CEMIP2: variants seen among roughly 807,000 people sequenced by gnomAD.
CEMIP2 encodes cell surface hyaluronidase CEMIP2.
CEMIP2 carries 79 observed loss-of-function variants against 146.9 expected under a neutral mutation model. The observed-to-expected ratio is 0.54, with a 90% CI of 0.45 to 0.65. The LOEUF is 0.65. Ranked by LOEUF, CEMIP2 falls within the 30% of genes least tolerant of loss-of-function variation. The pLI, the probability that CEMIP2 is intolerant of heterozygous loss-of-function variation, is 0.00. For missense variants in CEMIP2, 1,596 were observed against 1,696.2 expected, an observed-to-expected ratio of 0.94 and a Z score of 1.04; for synonymous variants, 601 against 606.3, an observed-to-expected ratio of 0.99 and a Z score of 0.13.
intron 22 of CEMIP2, chr9:71,686,075 A>G: frequency 2.1e-6 from 1 of 466,142 alleles, no homozygotes; most frequent in Non-Finnish European, 3.9e-6. Flanking sequence ...AAACCAAATC[A>G]TTTACGTACG....
chr9:71,759,223 T>A (rs1824553085), intron 1 of CEMIP2, among the ~76,000 whole-genome samples: 1 of 152,194 alleles, frequency 6.6e-6, no homozygotes, highest in Non-Finnish European at 1.5e-5. Flanking sequence ...TATTCCCAAG[T>A]TAAGCTATTG....
intron 12 of CEMIP2, among the ~76,000 whole-genome samples, chr9:71,720,881 A>T (rs1336970351): frequency 2.0e-5 from 3 of 152,200 alleles, no homozygotes; most frequent in Non-Finnish European, 4.4e-5. Flanking sequence ...AACTAGTAAG[A>T]GAAATAAATA....
chr9:71,686,799 C>CA (rs1356716748), intron 22 of CEMIP2: 1 of 152,200 alleles, frequency 6.6e-6, no homozygotes, highest in Non-Finnish European at 1.5e-5. Flanking sequence ...AATTTCCTGT[C>CA]ATCCACCCCT....
chr9:71,701,515 G>A (rs1822561795), intron 18 of CEMIP2, among the ~76,000 whole-genome samples: 1 of 152,206 alleles, frequency 6.6e-6, no homozygotes, highest in Non-Finnish European at 1.5e-5. Context: ...TTGGGTATAG[G>A]TGTACAAGAT....
intron 17 of CEMIP2, among the ~76,000 whole-genome samples, chr9:71,708,706 C>G (rs1428259051): frequency 6.6e-6 from 1 of 152,168 alleles, no homozygotes; most frequent in Non-Finnish European, 1.5e-5. Flanking sequence ...ATCATCTCCT[C>G]CATATTTTCA....
intron 20 of CEMIP2, among the ~76,000 whole-genome samples, chr9:71,697,409 A>G (rs1384404698): frequency 6.6e-6 from 1 of 152,228 alleles, no homozygotes; most frequent in Admixed American, 6.5e-5. Context: ...CCATCTAATC[A>G]AGAATGTTAG....
At chr9:71,756,369 TGAG>T (rs766078717) in intron 1 of CEMIP2, among the ~76,000 whole-genome samples, 9 of 151,350 alleles carry the variant, frequency 5.9e-5, no homozygotes, top group Non-Finnish European at 1.2e-4. Context: ...ATGTAGTTAT[TGAG>T]GAGGAAACAA....
At position 71,743,610 on chromosome 9, in the gene CEMIP2, A is replaced by G. The variant is rs570711832; in HGVS notation, c.1034+1408T>C. ...TGAGAGGCTCCTTCTGTTAATACTCACGCTCCCATTGCACCCTGTAACTGC... is the reference window on the plus strand; with the variant it reads ...TGAGAGGCTCCTTCTGTTAATACTCGCGCTCCCATTGCACCCTGTAACTGC... On this transcript the variant is annotated intron_variant, in intron 4 of 23. Transcript: ENST00000377044. Among the ~76,000 whole-genome samples, 54 of 152,062 alleles carry G rather than the reference A, an allele frequency of 3.6e-4. 1 individual carries two copies. Among genetic ancestry groups the G allele is most frequent in the African/African-American group, 1.3e-3 (54 of 41,474 alleles).
Position 71,690,171 on chromosome 9 carries a change from G to A in CEMIP2, c.3772C>T (p.Arg1258Cys), listed in dbSNP as rs374049571. Residue 1258 changes from arginine (R) to cysteine (C), a missense_variant, in exon 22 of 24, where the codon CGC becomes TGC. Transcript: ENST00000377044. ...LVVDPCSVPF[R>C]LTEKTVFPLA... The stretch of plus-strand genomic sequence containing the variant: ...GGAAAAACCGTTTTTTCCGTCAAGC[G>A]GAATGGAACGCTGCACGGATCCACA... 31 of 1,614,082 alleles carry A rather than the reference G, an allele frequency of 1.9e-5. No individual in the cohort carries two copies. The Middle Eastern group carries it at 1.5e-3, about 77-fold the overall frequency.
At chr9:71,723,136 G>GAAAA (rs33948828) in intron 11 of CEMIP2, among the ~76,000 whole-genome samples, 37,214 of 103,660 alleles carry the variant, frequency 0.36, 5,928 homozygotes, top group East Asian at 0.49. Flanking sequence ...AACAGCCAAA[G>GAAAA]AAAAAAAAAA....
rs1822189041 is a variant in CEMIP2, at chr9:71,690,232, G to C, written c.3711C>G (p.Asp1237Glu). The change falls in exon 22 of 24, where the codon GAC becomes GAG. Residue 1237 changes from aspartate to glutamate, a missense_variant. Coordinates refer to ENST00000377044, the MANE Select transcript of CEMIP2 (RefSeq NM_013390.3). ...DPSVISVNGTDFTFRSAGVLL... is the reference protein window; with the variant it reads ...DPSVISVNGTEFTFRSAGVLL... Reference sequence around the variant, plus strand: ...GGACGCCTGCACTTCGGAAGGTAAAGTCAGTGCCATTGACCTGAGAATGCA... The same window carrying C: ...GGACGCCTGCACTTCGGAAGGTAAACTCAGTGCCATTGACCTGAGAATGCA... 6.2e-7 allele frequency: 1 copy of C among 1,614,030 alleles called. No homozygotes were observed. The highest frequency in any genetic ancestry group is 1.7e-5 in the Admixed American group (1 of 60,004).
intron 4 of CEMIP2, among the ~76,000 whole-genome samples, chr9:71,743,894 A>T (rs1823996491): frequency 1.3e-5 from 2 of 152,210 alleles, no homozygotes. Context: ...ATCAAAGGAA[A>T]AAATAGTAAC....
intron 16 of CEMIP2, among the ~76,000 whole-genome samples, chr9:71,711,774 C>G (rs1180982470): frequency 6.6e-6 from 1 of 152,160 alleles, no homozygotes; most frequent in African/African-American, 2.4e-5. Flanking sequence ...GCGTATTTCA[C>G]TGAATTTTCC....
At chr9:71,757,691 G>A (rs1329914183) in intron 1 of CEMIP2, among the ~76,000 whole-genome samples, 1 of 152,150 alleles carries the variant, frequency 6.6e-6, no homozygotes, top group African/African-American at 2.4e-5. Context: ...ACTTTCAGGA[G>A]AAGAACACAA....
chr9:71,725,984 C>T (rs1823372420), intron 10 of CEMIP2, among the ~76,000 whole-genome samples: 1 of 152,178 alleles, frequency 6.6e-6, no homozygotes, highest in Non-Finnish European at 1.5e-5. Flanking sequence ...ACTTTTCCAT[C>T]ATTATCTACG....
chr9:71,735,688 T>G (rs1161778797), intron 5 of CEMIP2, among the ~76,000 whole-genome samples: 1 of 151,896 alleles, frequency 6.6e-6, no homozygotes, highest in Non-Finnish European at 1.5e-5. Flanking sequence ...GCAGCTGAGG[T>G]GGGAGGACTG....
rs1274165469 is a variant in CEMIP2, at chr9:71,709,305, T to C, written c.2939A>G (p.Asn980Ser). The change falls in exon 17 of 24, where the codon AAT (asparagine) becomes AGT (serine). Residue 980 changes from asparagine to serine, a missense_variant. Physicochemically the swap from Asn to Ser is conservative, Grantham distance 46 (BLOSUM62 1). Transcript: ENST00000377044. ...GATCACTGCATTCCACTTAGACACA[T>C]TTACACAGCTTGGATGGCGGATCAG... ...NYLIRHPSCVNVSKWNAVICS... is the reference protein window; with the variant it reads ...NYLIRHPSCVSVSKWNAVICS... 6.2e-7 allele frequency: 1 copy of C among 1,614,164 alleles called. No individual in the cohort carries two copies. Among genetic ancestry groups the C allele is most frequent in the Non-Finnish European group, 8.5e-7 (1 of 1,180,018 alleles).
intron 13 of CEMIP2, among the ~76,000 whole-genome samples, chr9:71,717,696 T>C (rs2131926237): frequency 6.6e-6 from 1 of 152,222 alleles, no homozygotes; most frequent in South Asian, 2.1e-4. Context: ...AAATTCCCGG[T>C]TTCTGTTCAA....
At chr9:71,766,006 C>T (rs1379292317) in intron 1 of CEMIP2, among the ~76,000 whole-genome samples, 1 of 152,048 alleles carries the variant, frequency 6.6e-6, no homozygotes, top group South Asian at 2.1e-4. Flanking sequence ...CACACATTTA[C>T]ATACAGCACT....
Sources: allele counts gnomAD v4.1 joint callset (sites outside exome capture counted in the v4.1 genomes callset), GRCh38; gene constraint gnomAD v4.1.1; transcripts MANE v1.5; gene names NCBI Gene and HGNC (gene_info 2026-07-23, HGNC 2026-07-21).